RNF170: variants seen among roughly 807,000 people sequenced by gnomAD.
The protein encoded by RNF170 is ring finger protein 170, also known as E3 ubiquitin-protein ligase RNF170.
RNF170 carries 12 observed loss-of-function variants against 32.7 expected under a neutral mutation model. The observed-to-expected ratio is 0.37, with a 90% confidence interval of 0.24 to 0.60. The LOEUF (loss-of-function observed/expected upper bound fraction) is 0.60, where lower values mean the gene tolerates loss of function less well. Ranked by LOEUF, RNF170 falls within the 20% of genes least tolerant of loss-of-function variation. The pLI is 0.72. For synonymous variants in RNF170, 91 were observed against 103.6 expected, an observed-to-expected ratio of 0.88 and a Z score of 0.74; for missense variants, 212 against 311.2, an observed-to-expected ratio of 0.68 and a Z score of 2.40.
intron 2 of RNF170, among the ~76,000 whole-genome samples, chr8:42,887,513 T>C (rs1805919507): frequency 6.6e-6 from 1 of 152,208 alleles, no homozygotes; most frequent in South Asian, 2.1e-4. Flanking sequence ...ATTCAAAATG[T>C]GGATGATAAA....
intron 3 of RNF170, among the ~76,000 whole-genome samples, chr8:42,872,758 G>A (rs945104712): frequency 6.6e-6 from 1 of 152,006 alleles, no homozygotes; most frequent in Non-Finnish European, 1.5e-5. Context: ...AGTTATTCTT[G>A]TATCAATAAA....
intron 2 of RNF170, among the ~76,000 whole-genome samples, chr8:42,879,579 G>A (rs949028831): frequency 6.6e-6 from 1 of 152,106 alleles, no homozygotes; most frequent in Non-Finnish European, 1.5e-5. Context: ...TGAACCCGGG[G>A]GGCGGTGGTT....
Position 42,865,438 on chromosome 8 carries a change from C to T in RNF170, c.374G>A (p.Ser125Asn), listed in dbSNP as rs144435181. ...WRYGSWLGAI[S>N]CPICRQTVTL... ...TACCGTTTGTCTACAGATTGGACAACTGATTGCCCCAAGCCATGAACCATA... is the reference window on the plus strand; with the variant it reads ...TACCGTTTGTCTACAGATTGGACAATTGATTGCCCCAAGCCATGAACCATA... The change falls in exon 5 of 7, where the codon AGT becomes AAT. Residue 125 changes from serine to asparagine, a missense_variant. Ser to Asn is a conservative substitution (Grantham distance 46). Coordinates refer to ENST00000527424, the MANE Select transcript of RNF170 (RefSeq NM_030954.4). 3.8e-3 allele frequency: 6,175 copies of T among 1,613,544 alleles called. 48 individuals are homozygous for T. Among genetic ancestry groups the T allele is most frequent in the Middle Eastern group, 0.014 (86 of 6,060 alleles).
At chr8:42,895,535 A>C (rs962225439) in intron 1 of RNF170, among the ~76,000 whole-genome samples, 3 of 152,228 alleles carry the variant, frequency 2.0e-5, no homozygotes, top group Non-Finnish European at 4.4e-5. Flanking sequence ...AGGACTCCAA[A>C]GTGCATGTCC....
At chr8:42,876,717 T>C (rs1485809360) in intron 2 of RNF170, among the ~76,000 whole-genome samples, 1 of 147,172 alleles carries the variant, frequency 6.8e-6, no homozygotes, top group East Asian at 2.1e-4. Flanking sequence ...TGGAGTGCCA[T>C]GGTACAAACT....
At chr8:42,860,664 C>A (rs1803586693) in intron 6 of RNF170, among the ~76,000 whole-genome samples, 1 of 152,022 alleles carries the variant, frequency 6.6e-6, no homozygotes, top group African/African-American at 2.4e-5. Context: ...CTCAAATGAT[C>A]TGCCCACCTC....
intron 2 of RNF170, among the ~76,000 whole-genome samples, chr8:42,882,769 C>T (rs916072757): frequency 3.3e-5 from 5 of 151,946 alleles, no homozygotes; most frequent in Non-Finnish European, 7.4e-5. Context: ...AGATTAAACA[C>T]CACATGATCA....
In RNF170 at chr8:42,872,408, A is replaced by G. The variant is rs147115214; in HGVS notation, c.213+1523T>C. Among the ~76,000 whole-genome samples the G allele has an allele frequency of 3.3e-3, 508 of 152,322 alleles. 3 individuals carry two copies. Among genetic ancestry groups the G allele is most frequent in the South Asian group, 0.011 (52 of 4,832 alleles). On this transcript the variant is annotated intron_variant, in intron 3 of 6. Transcript: ENST00000527424. ...TATCTCAACATGAATTATGGGTAAC[A>G]ATTGTTATGGAACACAGTACTACTA... is the stretch of plus-strand genomic sequence containing the variant.
intron 3 of RNF170, among the ~76,000 whole-genome samples, chr8:42,872,979 C>T (rs1187360122): frequency 6.6e-6 from 1 of 152,134 alleles, no homozygotes; most frequent in African/African-American, 2.4e-5. Context: ...ACTGTAGCCT[C>T]AACCTCCCAG....
intron 1 of RNF170, among the ~76,000 whole-genome samples, chr8:42,890,998 C>T (rs549060850): frequency 3.2e-4 from 49 of 152,190 alleles, no homozygotes; most frequent in Middle Eastern, 3.4e-3. Flanking sequence ...GACATAATAC[C>T]TCAGTCCTGA....
At chr8:42,879,096 A>G (rs1203936646) in intron 2 of RNF170, among the ~76,000 whole-genome samples, 1 of 152,244 alleles carries the variant, frequency 6.6e-6, no homozygotes, top group African/African-American at 2.4e-5. Flanking sequence ...TGTTAAAAAG[A>G]AAATATCACT....
At chr8:42,882,783 C>T (rs540790859) in intron 2 of RNF170, among the ~76,000 whole-genome samples, 6 of 152,124 alleles carry the variant, frequency 3.9e-5, no homozygotes, top group African/African-American at 9.6e-5. Flanking sequence ...ATGATCAGGC[C>T]GGGCACAGTG....
intron 2 of RNF170, among the ~76,000 whole-genome samples, chr8:42,877,752 C>A (rs537727798): frequency 1.3e-5 from 2 of 151,538 alleles, no homozygotes; most frequent in South Asian, 4.2e-4. Flanking sequence ...AAAGCACAGG[C>A]CAAAAAAAGG....
chr8:42,850,968 A>G, downstream of RNF170: 1 of 1,551,618 alleles, frequency 6.4e-7, no homozygotes, highest in Non-Finnish European at 8.7e-7. Context: ...GGGTCTGCTC[A>G]CTTGCACGGC....
At chr8:42,896,714 G>A (rs938929817), upstream of RNF170, 1 of 200,644 alleles carries the variant, frequency 5.0e-6, no homozygotes, top group Non-Finnish European at 1.1e-5. Context: ...GCCTCGACAC[G>A]CAGCGAACTG....
chr8:42,892,823 C>T (rs1279265946), intron 1 of RNF170, among the ~76,000 whole-genome samples: 1 of 151,970 alleles, frequency 6.6e-6, no homozygotes, highest in Admixed American at 6.6e-5. Flanking sequence ...GCCATCTTTA[C>T]TAAAAATACA....
Position 42,853,754 on chromosome 8 carries a change from G to C in RNF170, c.*2405C>G. The C allele has an allele frequency of 7.8e-7, 1 of 1,287,054 alleles. No individual in the cohort carries two copies. Among genetic ancestry groups the C allele is most frequent in the Non-Finnish European group, 1.0e-6 (1 of 988,640 alleles). 79.7% of individuals were successfully genotyped at this position (1,287,054 alleles called of 1,614,324 possible). On this transcript the variant is annotated 3_prime_UTR_variant, in exon 7 of 7. Coordinates refer to ENST00000527424, the MANE Select transcript of RNF170 (RefSeq NM_030954.4). Reference sequence around the variant, plus strand: ...CCTTCTGCATTTATCATCAGAGATCGGTAAAGATGACAACAAGCAGGTCTA... The same window carrying C: ...CCTTCTGCATTTATCATCAGAGATCCGTAAAGATGACAACAAGCAGGTCTA...
At chr8:42,881,771 CAAAAAATA>C in intron 2 of RNF170, among the ~76,000 whole-genome samples, 1 of 151,792 alleles carries the variant, frequency 6.6e-6, no homozygotes, top group Non-Finnish European at 1.5e-5. Context: ...ACTGTTTCTA[CAAAAAATA>C]CAAAAATTAG....
intron 2 of RNF170, among the ~76,000 whole-genome samples, chr8:42,875,035 G>C (rs186877489): frequency 2.6e-5 from 4 of 152,124 alleles, no homozygotes; most frequent in Non-Finnish European, 5.9e-5. Flanking sequence ...GCCGGGCTTA[G>C]TGGCGAATGC....
Sources: gnomAD v4.1 joint callset for allele counts (sites outside exome capture counted in the v4.1 genomes callset) on GRCh38, gnomAD v4.1.1 for gene constraint, MANE v1.5 for transcripts, NCBI Gene and HGNC (gene_info 2026-07-23, HGNC 2026-07-21) for gene names.